Variants in ZC3H12B observed in about 807,000 individuals in gnomAD.
ZC3H12B encodes the protein zinc finger CCCH-type containing 12B, also known as probable ribonuclease ZC3H12B.
ZC3H12B carries 7 observed loss-of-function variants against 43.9 expected under a neutral mutation model. The observed-to-expected ratio is 0.16, with a 90% confidence interval of 0.09 to 0.30. The LOEUF is 0.30. Among genes scored for constraint, ZC3H12B ranks in the 10% least tolerant of loss-of-function variants. ZC3H12B has a pLI of 1.00. For synonymous variants in ZC3H12B, 222 were observed against 241.7 expected (o/e 0.92, Z 0.76); for missense variants, 475 against 670.2 (o/e 0.71, Z 3.22).
chrX:65,188,829 G>T, the ZC3H12B span, among the ~76,000 whole-genome samples: 6 of 106,443 alleles, frequency 5.6e-5, no homozygotes, highest in Admixed American at 5.1e-4. Context: ...AAGTTTTAGG[G>T]TACATGTGCA....
the ZC3H12B span, among the ~76,000 whole-genome samples, chrX:65,212,253 ATATAATATAT>A: frequency 6.3e-5 from 3 of 47,864 alleles, no homozygotes; most frequent in Non-Finnish European, 9.6e-5. Context: ...ATTATATAAT[ATATAATATAT>A]TATATAATAT....
chrX:65,265,763 C>A, the ZC3H12B span, among the ~76,000 whole-genome samples: 1 of 111,421 alleles, frequency 9.0e-6, no homozygotes, highest in South Asian at 3.7e-4. Flanking sequence ...CTGGCCATGA[C>A]AAAGTAATTG....
At chrX:65,085,714 G>A in the ZC3H12B span, among the ~76,000 whole-genome samples, 1 of 109,702 alleles carries the variant, frequency 9.1e-6, no homozygotes, top group Non-Finnish European at 1.9e-5. Context: ...CAAAGTTACA[G>A]TGAGCTATGA....
chrX:65,070,588 C>T, the ZC3H12B span, among the ~76,000 whole-genome samples: 1 of 110,756 alleles, frequency 9.0e-6, no homozygotes, highest in Admixed American at 9.6e-5. Flanking sequence ...AAATTTCCCT[C>T]TTAACAATGC....
At chrX:65,480,760 C>A (rs1469506099) in intron 3 of ZC3H12B, among the ~76,000 whole-genome samples, 2 of 108,964 alleles carry the variant, frequency 1.8e-5, no homozygotes, top group African/African-American at 3.4e-5. Flanking sequence ...ACAGGAGAAT[C>A]GCTTGAACCC....
intron 3 of ZC3H12B, among the ~76,000 whole-genome samples, chrX:65,415,363 A>G (rs1389408623): frequency 8.9e-6 from 1 of 112,831 alleles, no homozygotes; most frequent in Non-Finnish European, 1.9e-5. Context: ...TACAGAATGT[A>G]GATTTTCTCC....
chrX:65,100,202 A>G, the ZC3H12B span, among the ~76,000 whole-genome samples: 1 of 111,213 alleles, frequency 9.0e-6, no homozygotes, highest in African/African-American at 3.3e-5. Context: ...AATGAAAAGG[A>G]ATGAACAAAG....
At chrX:65,065,091 A>T in the ZC3H12B span, among the ~76,000 whole-genome samples, 2 of 110,250 alleles carry the variant, frequency 1.8e-5, no homozygotes, top group Admixed American at 1.9e-4. Flanking sequence ...TTGACTCTTT[A>T]TCCAGTTTGC....
intron 3 of ZC3H12B, among the ~76,000 whole-genome samples, chrX:65,449,824 G>C (rs1426516063): frequency 9.1e-6 from 1 of 110,458 alleles, no homozygotes. Flanking sequence ...GGCATATGGA[G>C]TGATATAATG....
the ZC3H12B span, among the ~76,000 whole-genome samples, chrX:65,276,187 A>G: frequency 3.6e-5 from 4 of 111,968 alleles, no homozygotes; most frequent in Non-Finnish European, 7.5e-5. Flanking sequence ...AAGAAAGCCT[A>G]CAGGATTTAT....
chrX:65,084,227 G>C, the ZC3H12B span, among the ~76,000 whole-genome samples: 1 of 111,696 alleles, frequency 9.0e-6, no homozygotes, highest in Admixed American at 9.5e-5. Flanking sequence ...TACTCCACAA[G>C]CACAGGCAGC....
chrX:65,224,962 AAGAC>A, the ZC3H12B span, among the ~76,000 whole-genome samples: 294 of 111,847 alleles, frequency 2.6e-3, 1 homozygote, highest in African/African-American at 5.0e-3. Context: ...GACAAACAAA[AAGAC>A]AGCAGTAACC....
intron 2 of ZC3H12B, among the ~76,000 whole-genome samples, chrX:65,398,303 A>C: frequency 8.9e-6 from 1 of 112,208 alleles, no homozygotes; most frequent in Non-Finnish European, 1.9e-5. Flanking sequence ...ACAGACCCAG[A>C]ATATCCAAAG....
At chrX:65,377,789 C>T (rs1473159495) in intron 2 of ZC3H12B, among the ~76,000 whole-genome samples, 2 of 111,576 alleles carry the variant, frequency 1.8e-5, no homozygotes, top group Admixed American at 9.6e-5. Context: ...AAAGAAAGTA[C>T]GTTAGTGAGC....
At chrX:65,190,679 C>T in the ZC3H12B span, among the ~76,000 whole-genome samples, 1 of 110,267 alleles carries the variant, frequency 9.1e-6, no homozygotes, top group Non-Finnish European at 1.9e-5. Flanking sequence ...AGTTGCTTAT[C>T]ATCTTCAGGA....
upstream of ZC3H12B, among the ~76,000 whole-genome samples, chrX:65,487,571 T>A (rs1194396117): frequency 1.8e-5 from 2 of 111,492 alleles, no homozygotes; most frequent in South Asian, 3.7e-4. Flanking sequence ...ACAAAAAAAA[T>A]TGTCCCTAAT....
chrX:65,119,599 C>G, the ZC3H12B span, among the ~76,000 whole-genome samples: 9 of 111,489 alleles, frequency 8.1e-5, no homozygotes, highest in Non-Finnish European at 1.3e-4. Flanking sequence ...TGTAGGTTGC[C>G]TGCTCACCCT....
chrX:65,217,220 C>T, the ZC3H12B span, among the ~76,000 whole-genome samples: 6 of 112,209 alleles, frequency 5.3e-5, no homozygotes, highest in Non-Finnish European at 1.1e-4. Context: ...CTGCATGAGT[C>T]GCAGTGTTTC....
chrX:65,264,587 A>C, the ZC3H12B span, among the ~76,000 whole-genome samples: 1 of 111,940 alleles, frequency 8.9e-6, no homozygotes, highest in Non-Finnish European at 1.9e-5. Flanking sequence ...CTTATAGCTC[A>C]TTGCCTATGT....
Sources: gnomAD v4.1 joint callset for allele counts (sites outside exome capture counted in the v4.1 genomes callset) on GRCh38, gnomAD v4.1.1 for gene constraint, MANE v1.5 for transcripts, NCBI Gene and HGNC (gene_info 2026-07-23, HGNC 2026-07-21) for gene names.